The following ANXA6 variants were observed in gnomAD, a reference collection of about 807,000 sequenced individuals.
ANXA6 encodes the protein 67 kDa calelectrin.
In ANXA6, 71 loss-of-function variants were observed where a neutral mutation model predicts 95.4. That is an observed-to-expected ratio of 0.74 (90% CI 0.61 to 0.91). The LOEUF (loss-of-function observed/expected upper bound fraction) is 0.91. Ranked by LOEUF, ANXA6 falls within the 40% of genes least tolerant of loss-of-function variation. ANXA6 has a pLI of 0.00. For synonymous variants in ANXA6, 289 were observed against 315.9 expected (o/e 0.91, Z 0.90); for missense variants, 830 against 876.4 (o/e 0.95, Z 0.67).
intron 4 of ANXA6, 83 bp from the exon 5 acceptor site, chr5:151,138,874 T>TA: frequency 1.1e-6 from 1 of 941,116 alleles, no homozygotes; most frequent in Non-Finnish European, 1.7e-6. Context: ...AATGAGCACT[T>TA]ACTCTGGCAG....
At chr5:151,131,358 C>T in intron 10 of ANXA6, 69 bp from the exon 11 acceptor site, 4 of 1,516,478 alleles carry the variant, frequency 2.6e-6, no homozygotes, top group Non-Finnish European at 3.7e-6. Flanking sequence ...GGCCTGACTC[C>T]CTCTTTGTTT....
chr5:151,140,594 A>ATATATATATT (rs1554086294), intron 2 of ANXA6: 9 of 141,658 alleles, frequency 6.4e-5, no homozygotes, highest in African/African-American at 2.0e-4. Context: ...ATATATATAT[A>ATATATATATT]TATATATATA....
chr5:151,112,016 G>A (rs1328562947), intron 20 of ANXA6, among the ~76,000 whole-genome samples: 1 of 151,430 alleles, frequency 6.6e-6, no homozygotes, highest in African/African-American at 2.4e-5. Context: ...GGCTGGTCTC[G>A]AACTCCTGAC....
chr5:151,108,429 C>A (rs1764758852), intron 23 of ANXA6, 26 bp downstream of exon 23: 2 of 1,598,236 alleles, frequency 1.3e-6, no homozygotes, highest in Non-Finnish European at 1.7e-6. Context: ...GTGCCCCCAG[C>A]CCTTCCCTTA....
At chr5:151,106,316 A>G (rs1477736625) in intron 23 of ANXA6, among the ~76,000 whole-genome samples, 4 of 152,164 alleles carry the variant, frequency 2.6e-5, no homozygotes, top group African/African-American at 9.7e-5. Context: ...CACCAGTACT[A>G]TAGCTGGAAT....
intron 20 of ANXA6, among the ~76,000 whole-genome samples, chr5:151,113,775 C>T (rs950740022): frequency 1.3e-5 from 2 of 152,320 alleles, no homozygotes; most frequent in South Asian, 2.1e-4. Context: ...TATGACCCAG[C>T]AATTCTATCT....
At chr5:151,132,932 G>A (rs1364913267) in intron 9 of ANXA6, among the ~76,000 whole-genome samples, 162 bp downstream of exon 9, 6 of 150,728 alleles carry the variant, frequency 4.0e-5, no homozygotes, top group African/African-American at 1.5e-4. Context: ...GGCAAAAACC[G>A]CAGTTACTTT....
Position 151,101,295 on chromosome 5 carries a change from T to G in ANXA6, c.*153A>C. ...CGATGGCCCGTGGGAGTGGGAGCGTTTCCTAAGCTCCACTGAAGATAAGAG... is the reference window on the plus strand; with the variant it reads ...CGATGGCCCGTGGGAGTGGGAGCGTGTCCTAAGCTCCACTGAAGATAAGAG... On this transcript the variant is annotated 3_prime_UTR_variant, in exon 26 of 26. Transcript: ENST00000354546. 1 of 708,908 alleles carries G rather than the reference T, an allele frequency of 1.4e-6. No homozygotes were observed. Among genetic ancestry groups the G allele is most frequent in the Non-Finnish European group, 2.5e-6 (1 of 405,554 alleles). The allele number at this position is 708,908 out of a possible 1,614,324, so 43.9% of individuals were successfully genotyped here.
intron 23 of ANXA6, among the ~76,000 whole-genome samples, chr5:151,106,643 A>T (rs1486509999): frequency 6.6e-6 from 1 of 151,920 alleles, no homozygotes; most frequent in African/African-American, 2.4e-5. Context: ...CCTTCACTAC[A>T]TTATCTCTCT....
In ANXA6 at chr5:151,132,587, A is replaced by T; in HGVS notation, c.641-16T>A. ...TCATCGAACACTGCGTCAGACAGAG[A>T]GACAGGGAGGTTTGAGAGTGCCTCT... On this transcript the variant is annotated splice_polypyrimidine_tract_variant and intron_variant, in intron 9 of 25. Transcript: ENST00000354546. 6.2e-7 allele frequency: 1 copy of T among 1,607,862 alleles called. No homozygotes were observed. The highest frequency in any genetic ancestry group is 8.5e-7 in the Non-Finnish European group (1 of 1,177,204).
At position 151,140,183 on chromosome 5, in the gene ANXA6, C is replaced by A; in HGVS notation, c.79G>T (p.Glu27Ter). ...CCCTTCATGGCAGTGTACAGAGCCT[C>A]GGCATCCTGGTTGGGGTCAAAGCCT... ...FPGFDPNQDA[E>*]ALYTAMKGFG... Residue 27 changes from glutamate (E) to a stop codon, truncating the protein, a stop_gained, in exon 3 of 26, where the codon GAG (glutamate) becomes TAG (stop). Coordinates refer to ENST00000354546, the MANE Select transcript of ANXA6 (RefSeq NM_001155.5). LOFTEE classifies it high-confidence loss of function. 6.2e-7 allele frequency: 1 copy of A among 1,613,950 alleles called. No individual in the cohort carries two copies. The highest frequency in any genetic ancestry group is 8.5e-7 in the Non-Finnish European group (1 of 1,179,884).
At chr5:151,139,862 C>T (rs1483579454) in intron 3 of ANXA6, among the ~76,000 whole-genome samples, 1 of 152,122 alleles carries the variant, frequency 6.6e-6, no homozygotes, top group Non-Finnish European at 1.5e-5. Flanking sequence ...GCAAAGGCAG[C>T]GGGCGGCATT....
At chr5:151,131,523 C>T (rs927665223) in intron 10 of ANXA6, among the ~76,000 whole-genome samples, 4 of 152,218 alleles carry the variant, frequency 2.6e-5, no homozygotes, top group African/African-American at 9.7e-5. Flanking sequence ...AAGTCCATCA[C>T]AAAGACCGCC....
At chr5:151,152,339 A>G (rs942215045) in intron 1 of ANXA6, among the ~76,000 whole-genome samples, 6 of 152,232 alleles carry the variant, frequency 3.9e-5, no homozygotes, top group Admixed American at 1.3e-4. Flanking sequence ...AAACATTTAC[A>G]ATGGAGGCAA....
intron 14 of ANXA6, among the ~76,000 whole-genome samples, chr5:151,124,853 C>T (rs1243770061): frequency 6.6e-6 from 1 of 152,210 alleles, no homozygotes; most frequent in Non-Finnish European, 1.5e-5. Context: ...AGGACTTTCA[C>T]TATTCCAAAT....
Position 151,126,307 on chromosome 5 carries a change from G to A in ANXA6, c.1056+95C>T, listed in dbSNP as rs554512823. The A allele has an allele frequency of 1.8e-5, 20 of 1,103,086 alleles. No individual in the cohort carries two copies. In the Middle Eastern group the frequency reaches 1.2e-3, roughly 65 times the overall value. The allele number at this position is 1,103,086 out of a possible 1,614,324, so 68.3% of individuals were successfully genotyped here. A position where few individuals can be genotyped will look rare whatever the true frequency, so the allele number is the denominator to read the frequency against. ...TGAGAATCAACGTGTCGGGTTGGCCGCCAGGGGGCAGCTGGGTGCCAACCA... is the reference window on the plus strand; with the variant it reads ...TGAGAATCAACGTGTCGGGTTGGCCACCAGGGGGCAGCTGGGTGCCAACCA... On this transcript the variant is annotated intron_variant, in intron 14 of 25. Coordinates refer to ENST00000354546, the MANE Select transcript of ANXA6 (RefSeq NM_001155.5).
At chr5:151,116,943 C>T (rs777258292) in intron 20 of ANXA6, among the ~76,000 whole-genome samples, 184 bp downstream of exon 20, 2 of 152,176 alleles carry the variant, frequency 1.3e-5, no homozygotes, top group Admixed American at 6.5e-5. Context: ...CTAGGAAATG[C>T]CAGTAATACC....
intron 23 of ANXA6, among the ~76,000 whole-genome samples, chr5:151,107,045 G>A (rs1340955005): frequency 6.6e-6 from 1 of 152,204 alleles, no homozygotes; most frequent in Non-Finnish European, 1.5e-5. Context: ...GGCAGCCTGT[G>A]GTTTGAGTCC....
chr5:151,140,004 A>G, intron 3 of ANXA6, 149 bp downstream of exon 3: 1 of 552,832 alleles, frequency 1.8e-6, no homozygotes, highest in South Asian at 3.5e-5. Flanking sequence ...TTATTATAAC[A>G]TCATGAAAAT....
Sources: allele counts gnomAD v4.1 joint callset (sites outside exome capture counted in the v4.1 genomes callset), GRCh38; gene constraint gnomAD v4.1.1; transcripts MANE v1.5; gene names NCBI Gene and HGNC (gene_info 2026-07-23, HGNC 2026-07-21).